The following MEIKIN variants were observed in gnomAD, a reference collection of about 807,000 sequenced individuals.
MEIKIN encodes the protein meiotic kinetochore factor.
chr5:131,936,194 G>A (rs546765107), intron 4 of MEIKIN, among the ~76,000 whole-genome samples: 60 of 152,278 alleles, frequency 3.9e-4, no homozygotes, highest in African/African-American at 1.3e-3. Context: ...GGCTGTCCTG[G>A]TGTCACAAGT....
intron 8 of MEIKIN, among the ~76,000 whole-genome samples, chr5:131,901,518 A>G (rs1046347919): frequency 6.6e-6 from 1 of 152,184 alleles, no homozygotes; most frequent in African/African-American, 2.4e-5. Flanking sequence ...ACCCTGCTGC[A>G]CTGCCACTGC....
intron 7 of MEIKIN, among the ~76,000 whole-genome samples, chr5:131,914,774 T>C (rs1205889253): frequency 1.3e-5 from 2 of 152,088 alleles, no homozygotes; most frequent in East Asian, 3.9e-4. Flanking sequence ...GTCTAGAGCA[T>C]TATTAGAAAG....
At chr5:131,891,245 T>C (rs538802048) in intron 8 of MEIKIN, among the ~76,000 whole-genome samples, 2 of 152,264 alleles carry the variant, frequency 1.3e-5, no homozygotes, top group South Asian at 2.1e-4. Flanking sequence ...GCTTGGTGCA[T>C]AGCTGAGTTC....
intron 11 of MEIKIN, among the ~76,000 whole-genome samples, chr5:131,838,381 G>A (rs1749847728): frequency 6.6e-6 from 1 of 152,078 alleles, no homozygotes; most frequent in Admixed American, 6.5e-5. Flanking sequence ...ATAAGTTAGA[G>A]GGGAGTCCCT....
intron 8 of MEIKIN, among the ~76,000 whole-genome samples, chr5:131,909,812 T>C (rs1276285190): frequency 2.0e-5 from 3 of 152,160 alleles, no homozygotes; most frequent in Non-Finnish European, 4.4e-5. Context: ...AACAGGTCTA[T>C]GAAAAGGTGC....
At chr5:131,945,080 G>A (rs1751938978) in intron 2 of MEIKIN, 76 bp downstream of exon 2, 1 of 399,012 alleles carries the variant, frequency 2.5e-6, no homozygotes, top group Admixed American at 4.4e-5. Flanking sequence ...AGAATAAAAG[G>A]CTACTAGCAG....
chr5:131,841,201 T>A (rs1234838843), intron 11 of MEIKIN, among the ~76,000 whole-genome samples: 1 of 152,114 alleles, frequency 6.6e-6, no homozygotes, highest in Non-Finnish European at 1.5e-5. Flanking sequence ...CTCCTCAAGG[T>A]TAGGAACTTA....
At chr5:131,816,502 A>G (rs1316161680) in intron 12 of MEIKIN, among the ~76,000 whole-genome samples, 2 of 152,232 alleles carry the variant, frequency 1.3e-5, no homozygotes, top group African/African-American at 4.8e-5. Context: ...CCTGCCCAAG[A>G]GTTTCCAGCC....
intron 8 of MEIKIN, among the ~76,000 whole-genome samples, chr5:131,895,175 T>C (rs575785272): frequency 2.2e-3 from 329 of 152,348 alleles, no homozygotes; most frequent in African/African-American, 5.8e-3. Context: ...GTTCTGTTTA[T>C]GTGATGGATT....
intron 9 of MEIKIN, among the ~76,000 whole-genome samples, chr5:131,875,294 A>T (rs934306793): frequency 6.6e-6 from 1 of 152,244 alleles, no homozygotes; most frequent in Non-Finnish European, 1.5e-5. Context: ...TCTTCAGCAA[A>T]GTCTCAAGAT....
intron 5 of MEIKIN, among the ~76,000 whole-genome samples, chr5:131,923,439 G>T (rs139195641): frequency 8.7e-4 from 131 of 151,116 alleles, no homozygotes; most frequent in African/African-American, 3.1e-3. Context: ...CCTATTATTT[G>T]ATGTTGGATT....
At chr5:131,890,281 G>A (rs529858442) in intron 8 of MEIKIN, among the ~76,000 whole-genome samples, 1 of 152,294 alleles carries the variant, frequency 6.6e-6, no homozygotes, top group East Asian at 1.9e-4. Context: ...AATGGTACCA[G>A]CTCCTCCTTG....
At chr5:131,909,379 C>T (rs561116977) in intron 8 of MEIKIN, among the ~76,000 whole-genome samples, 2 of 152,164 alleles carry the variant, frequency 1.3e-5, no homozygotes, top group Non-Finnish European at 2.9e-5. Flanking sequence ...AAGAATGAAA[C>T]TAGACCCTTG....
intron 4 of MEIKIN, among the ~76,000 whole-genome samples, chr5:131,941,511 T>C (rs987170636): frequency 2.6e-5 from 4 of 152,180 alleles, no homozygotes; most frequent in African/African-American, 9.7e-5. Context: ...GTTTAGAGTA[T>C]TTCCAGGCTA....
intron 11 of MEIKIN, among the ~76,000 whole-genome samples, chr5:131,835,560 G>T (rs1396656546): frequency 6.6e-6 from 1 of 151,856 alleles, no homozygotes; most frequent in Non-Finnish European, 1.5e-5. Flanking sequence ...GTACTTCTGG[G>T]CACTCTGTTC....
At position 131,843,392 on chromosome 5, in the gene MEIKIN, C is replaced by T. The variant is rs533312754; in HGVS notation, c.975+7872G>A. Among the ~76,000 whole-genome samples the T allele has an allele frequency of 1.4e-4, 21 of 152,338 alleles. No individual in the cohort carries two copies. The South Asian group carries it at 4.4e-3, about 32-fold the overall frequency. On this transcript the variant is annotated intron_variant, in intron 11 of 12. Transcript: ENST00000442687. ...ACCACCTGGTCAGGCCACAAATTTTCCATACTTTTATGCTCTTCTTCCTTT... is the reference window on the plus strand; with the variant it reads ...ACCACCTGGTCAGGCCACAAATTTTTCATACTTTTATGCTCTTCTTCCTTT...
intron 8 of MEIKIN, among the ~76,000 whole-genome samples, chr5:131,910,752 A>T (rs543262944): frequency 1.3e-5 from 2 of 151,954 alleles, no homozygotes; most frequent in East Asian, 1.9e-4. Flanking sequence ...AAAATTGTAA[A>T]AAGAAATGTG....
intron 8 of MEIKIN, among the ~76,000 whole-genome samples, chr5:131,880,264 ATT>A (rs67579794): frequency 0.083 from 11,456 of 138,288 alleles, 945 homozygotes; most frequent in African/African-American, 0.22. Flanking sequence ...TAATTTTTGT[ATT>A]TTTTTTTTTT....
chr5:131,883,041 ATC>A, intron 8 of MEIKIN, among the ~76,000 whole-genome samples: 1 of 152,222 alleles, frequency 6.6e-6, no homozygotes, highest in South Asian at 2.1e-4. Context: ...ATATTTATTT[ATC>A]TGTTTATTAT....
Sources: gnomAD v4.1 joint callset for allele counts (sites outside exome capture counted in the v4.1 genomes callset) on GRCh38, gnomAD v4.1.1 for gene constraint, MANE v1.5 for transcripts, NCBI Gene and HGNC (gene_info 2026-07-23, HGNC 2026-07-21) for gene names.